COP1: variants seen among roughly 807,000 people sequenced by gnomAD.
COP1 encodes COP1 E3 ubiquitin ligase.
Under a neutral mutation model 101.3 loss-of-function variants are expected in COP1, and 24 were observed. The ratio of observed to expected loss-of-function variants is 0.24; its 90% CI spans 0.17 to 0.33. COP1 has a LOEUF of 0.33. COP1 is among the 10% of genes least tolerant of loss of function. COP1 has a pLI of 1.00. For missense variants in COP1, 663 were observed against 906.2 expected (o/e 0.73, Z 3.45); for synonymous variants, 347 against 341.9 (o/e 1.01, Z -0.17).
intron 14 of COP1, among the ~76,000 whole-genome samples, chr1:176,040,732 C>T (rs1670383997): frequency 6.6e-6 from 1 of 152,130 alleles, no homozygotes; most frequent in African/African-American, 2.4e-5. Flanking sequence ...TCCCTTTTTA[C>T]AGAATAGACT....
At chr1:176,122,867 A>G (rs1261480351) in intron 8 of COP1, among the ~76,000 whole-genome samples, 2 of 152,230 alleles carry the variant, frequency 1.3e-5, no homozygotes, top group Admixed American at 1.3e-4. Context: ...TTTCTAAAAG[A>G]TGGAACAGGT....
intron 3 of COP1, among the ~76,000 whole-genome samples, chr1:176,174,007 A>AAAAAAG (rs1456552067): frequency 5.7e-5 from 7 of 122,032 alleles, no homozygotes; most frequent in Admixed American, 2.8e-4. Flanking sequence ...AAAAAAAAAA[A>AAAAAAG]AGAGAATATA....
intron 9 of COP1, among the ~76,000 whole-genome samples, chr1:176,101,521 G>T (rs779393108): frequency 6.6e-6 from 1 of 152,140 alleles, no homozygotes; most frequent in East Asian, 1.9e-4. Flanking sequence ...ACTGGGAAAA[G>T]TTAATTTCCC....
chr1:176,183,949 G>T lies in COP1; in HGVS notation c.467+684C>A, dbSNP rs184600237. Reference sequence around the variant, plus strand: ...GGGGATACAGGGAAGGGGAAATGGGGAATTGTTGTTTAATGAGTGACGAGT... The same window carrying T: ...GGGGATACAGGGAAGGGGAAATGGGTAATTGTTGTTTAATGAGTGACGAGT... On this transcript the variant is annotated intron_variant, in intron 2 of 19. Transcript: ENST00000367669. 2.2e-3 allele frequency among the ~76,000 whole-genome samples: 334 copies of T among 152,162 alleles called. 1 individual carries two copies. The highest frequency in any genetic ancestry group is 7.7e-3 in the African/African-American group (318 of 41,514).
chr1:176,104,032 A>G (rs1683890990), intron 9 of COP1, among the ~76,000 whole-genome samples: 1 of 152,192 alleles, frequency 6.6e-6, no homozygotes, highest in South Asian at 2.1e-4. Context: ...ACATTAAAAC[A>G]TATCATAAAG....
At chr1:176,085,705 T>C (rs2149422412) in intron 10 of COP1, 71 bp downstream of exon 10, 1 of 872,272 alleles carries the variant, frequency 1.1e-6, no homozygotes, top group South Asian at 2.3e-5. Flanking sequence ...TTTCCATAAA[T>C]TCAGCACAAA....
chr1:175,955,015 A>C (rs1055205086), intron 18 of COP1, among the ~76,000 whole-genome samples: 10 of 152,140 alleles, frequency 6.6e-5, no homozygotes, highest in African/African-American at 2.4e-4. Context: ...TGGGAAGCTA[A>C]GGCAGGTGGA....
At chr1:176,066,669 C>T (rs1676029226) in intron 11 of COP1, among the ~76,000 whole-genome samples, 1 of 152,156 alleles carries the variant, frequency 6.6e-6, no homozygotes. Context: ...ACCAGCTCTG[C>T]AGGTCAATCA....
chr1:176,185,880 T>C (rs1213018414), intron 1 of COP1, among the ~76,000 whole-genome samples: 1 of 152,182 alleles, frequency 6.6e-6, no homozygotes, highest in Non-Finnish European at 1.5e-5. Flanking sequence ...ACAATGACAC[T>C]TAAAACTGTA....
At chr1:176,051,211 G>A (rs1309698600) in intron 11 of COP1, among the ~76,000 whole-genome samples, 1 of 152,090 alleles carries the variant, frequency 6.6e-6, no homozygotes, top group African/African-American at 2.4e-5. Context: ...AGAATGAACC[G>A]TGAATATTTT....
rs138639525 is a variant in COP1 at position 176,101,199 on chromosome 1, C to T, written c.1027-15309G>A. 2.6e-3 allele frequency among the ~76,000 whole-genome samples: 398 copies of T among 152,240 alleles called. 3 individuals carry two copies. Among genetic ancestry groups the T allele is most frequent in the African/African-American group, 9.1e-3 (380 of 41,564 alleles). The stretch of plus-strand genomic sequence containing the variant: ...AAGCTGCTTTGACACCCATGGGTGG[C>T]ACCCTATCGTGGCTGGTGGGACTCG... On this transcript the variant is annotated intron_variant, in intron 9 of 19. Transcript: ENST00000367669.
At chr1:176,088,393 T>C (rs1680623291) in intron 9 of COP1, among the ~76,000 whole-genome samples, 1 of 152,212 alleles carries the variant, frequency 6.6e-6, no homozygotes, top group African/African-American at 2.4e-5. Context: ...TATGAGTTTC[T>C]AGAAGTCAGT....
At chr1:176,035,710 C>CAAAAAAAAAAAA (rs71129541) in intron 14 of COP1, among the ~76,000 whole-genome samples, 1 of 73,102 alleles carries the variant, frequency 1.4e-5, no homozygotes, top group South Asian at 4.5e-4. Flanking sequence ...AAAACGAGAC[C>CAAAAAAAAAAAA]AAAAAAAAAA....
chr1:175,996,324 T>C (rs1660154856), intron 15 of COP1, among the ~76,000 whole-genome samples: 1 of 152,262 alleles, frequency 6.6e-6, no homozygotes, highest in Non-Finnish European at 1.5e-5. Context: ...AGCATTCCCT[T>C]TGAAAACTGG....
At chr1:176,038,755 T>C (rs1324742968) in intron 14 of COP1, among the ~76,000 whole-genome samples, 1 of 150,830 alleles carries the variant, frequency 6.6e-6, no homozygotes, top group East Asian at 1.9e-4. Flanking sequence ...GAGGCGGAGG[T>C]TGTGGTGAGC....
chr1:176,117,711 A>G (rs1014772026), intron 8 of COP1, among the ~76,000 whole-genome samples: 2 of 152,166 alleles, frequency 1.3e-5, no homozygotes, highest in African/African-American at 2.4e-5. Context: ...CCTGACCAAC[A>G]TGGTGAAACC....
chr1:176,019,668 C>G (rs1261797775), intron 15 of COP1, among the ~76,000 whole-genome samples: 1 of 151,726 alleles, frequency 6.6e-6, no homozygotes, highest in African/African-American at 2.4e-5. Flanking sequence ...CAGGACCACC[C>G]TGGGTAACAT....
chr1:176,106,047 T>G (rs1684248398), intron 9 of COP1, among the ~76,000 whole-genome samples: 1 of 152,016 alleles, frequency 6.6e-6, no homozygotes, highest in African/African-American at 2.4e-5. Flanking sequence ...TTTTGTTTTT[T>G]TGAGACAGAG....
chr1:175,989,996 T>C (rs1040118784), intron 15 of COP1, among the ~76,000 whole-genome samples: 3 of 151,974 alleles, frequency 2.0e-5, no homozygotes, highest in Non-Finnish European at 4.4e-5. Context: ...TCTGTCTCTA[T>C]CACTAATTTC....
Sources: gnomAD v4.1 joint callset for allele counts (sites outside exome capture counted in the v4.1 genomes callset) on GRCh38, gnomAD v4.1.1 for gene constraint, MANE v1.5 for transcripts, NCBI Gene and HGNC (gene_info 2026-07-23, HGNC 2026-07-21) for gene names.